The following LINGO2 variants were observed in gnomAD, a reference collection of about 807,000 sequenced individuals.
LINGO2 encodes the protein leucine rich repeat and Ig domain containing 2, also known as leucine-rich repeat and immunoglobulin-like domain-containing nogo receptor-interacting protein 2.
LINGO2 carries 14 observed loss-of-function variants against 30.6 expected under a neutral mutation model. The observed-to-expected ratio is 0.46, with a 90% CI of 0.30 to 0.72. The LOEUF (loss-of-function observed/expected upper bound fraction) is 0.72. LINGO2 is among the 30% of genes least tolerant of loss of function. The pLI is 0.07. For missense variants in LINGO2, 729 were observed against 751.7 expected, an observed-to-expected ratio of 0.97 and a Z score of 0.35; for synonymous variants, 317 against 288.5, an observed-to-expected ratio of 1.10 and a Z score of -1.00.
At chr9:29,172,821 T>C in the LINGO2 span, among the ~76,000 whole-genome samples, 3 of 152,004 alleles carry the variant, frequency 2.0e-5, no homozygotes, top group African/African-American at 7.2e-5. Flanking sequence ...CTTATTTACA[T>C]GGCAATTAAA....
intron 1 of LINGO2, among the ~76,000 whole-genome samples, chr9:28,635,806 G>T (rs1827234638): frequency 6.6e-6 from 1 of 152,008 alleles, no homozygotes; most frequent in African/African-American, 2.4e-5. Flanking sequence ...AAAGAGTTCA[G>T]AGGTTTTTTG....
the LINGO2 span, among the ~76,000 whole-genome samples, chr9:29,120,622 T>G: frequency 6.6e-6 from 1 of 152,210 alleles, no homozygotes; most frequent in Non-Finnish European, 1.5e-5. Context: ...ATAATCCTCC[T>G]ACGTGCTATG....
intron 2 of LINGO2, among the ~76,000 whole-genome samples, chr9:28,415,993 C>G (rs185247107): frequency 5.9e-4 from 90 of 152,178 alleles, no homozygotes; most frequent in Middle Eastern, 3.4e-3. Flanking sequence ...CCTTATTAAA[C>G]CAAAGACTTG....
intron 4 of LINGO2, among the ~76,000 whole-genome samples, chr9:28,181,881 T>C (rs184674857): frequency 5.3e-5 from 8 of 152,172 alleles, no homozygotes; most frequent in African/African-American, 1.7e-4. Flanking sequence ...AAAATGGCCA[T>C]ACCACCCAAA....
chr9:28,788,874 C>G, the LINGO2 span, among the ~76,000 whole-genome samples: 3 of 152,102 alleles, frequency 2.0e-5, no homozygotes, highest in Non-Finnish European at 4.4e-5. Context: ...GGTGAGGACA[C>G]AAAGCCTAAG....
chr9:28,392,278 G>A (rs917609846), intron 2 of LINGO2, among the ~76,000 whole-genome samples: 1 of 152,068 alleles, frequency 6.6e-6, no homozygotes, highest in Non-Finnish European at 1.5e-5. Context: ...TATTAATTAG[G>A]ATCTAATTGA....
At chr9:28,237,988 A>G (rs1335463720) in intron 4 of LINGO2, among the ~76,000 whole-genome samples, 2 of 152,238 alleles carry the variant, frequency 1.3e-5, no homozygotes, top group Non-Finnish European at 2.9e-5. Context: ...CTATACTTAT[A>G]TCAGACAAAA....
At chr9:29,108,964 A>G in the LINGO2 span, among the ~76,000 whole-genome samples, 15 of 152,346 alleles carry the variant, frequency 9.8e-5, no homozygotes, top group African/African-American at 3.6e-4. Flanking sequence ...TCCTTGACTT[A>G]GATGAAATTT....
chr9:28,516,736 T>C lies in LINGO2; in HGVS notation c.-364-40711A>G, dbSNP rs374680015. Among the ~76,000 whole-genome samples the C allele has an allele frequency of 6.6e-5, 10 of 152,340 alleles. No individual in the cohort carries two copies. The East Asian group carries it at 9.6e-4, about 15-fold the overall frequency. ...GACACTGTTGCTGTTGTTGTTAATG[T>C]TACTGAAGAACACTCTATCCTAAGA... On this transcript the variant is annotated intron_variant, in intron 1 of 5. Transcript: ENST00000379992.
chr9:29,019,350 C>G, the LINGO2 span, among the ~76,000 whole-genome samples: 1 of 152,140 alleles, frequency 6.6e-6, no homozygotes, highest in Non-Finnish European at 1.5e-5. Context: ...GTTATATCAG[C>G]AAACACTCTT....
chr9:28,165,862 T>C (rs1276941421), intron 4 of LINGO2, among the ~76,000 whole-genome samples: 1 of 152,126 alleles, frequency 6.6e-6, no homozygotes, highest in Admixed American at 6.5e-5. Context: ...AATAAGAATA[T>C]TTTGCTTCAG....
At chr9:28,444,531 G>A (rs1824337495) in intron 2 of LINGO2, among the ~76,000 whole-genome samples, 1 of 152,244 alleles carries the variant, frequency 6.6e-6, no homozygotes, top group African/African-American at 2.4e-5. Context: ...AAGAGCTACA[G>A]TCCTTCTTGG....
At chr9:29,211,338 C>T in the LINGO2 span, among the ~76,000 whole-genome samples, 11 of 152,152 alleles carry the variant, frequency 7.2e-5, no homozygotes, top group Admixed American at 7.2e-4. Flanking sequence ...ATATTCAGTG[C>T]CCACTGAGCC....
chr9:28,993,848 G>C, the LINGO2 span, among the ~76,000 whole-genome samples: 1 of 152,054 alleles, frequency 6.6e-6, no homozygotes, highest in East Asian at 1.9e-4. Context: ...CAATAAATTA[G>C]GTACTGATGG....
At chr9:28,029,342 G>T (rs146710466) in intron 4 of LINGO2, among the ~76,000 whole-genome samples, 2 of 152,090 alleles carry the variant, frequency 1.3e-5, no homozygotes, top group Admixed American at 6.6e-5. Flanking sequence ...GTTCTGCTGC[G>T]TTTGATCTGT....
At chr9:27,982,326 A>G (rs79566467) in intron 5 of LINGO2, among the ~76,000 whole-genome samples, 4,042 of 151,918 alleles carry the variant, frequency 0.027, 81 homozygotes, top group Non-Finnish European at 0.037. Flanking sequence ...TCTTTTGTAT[A>G]AAGGAAATGA....
At chr9:28,947,847 C>T in the LINGO2 span, among the ~76,000 whole-genome samples, 3 of 151,918 alleles carry the variant, frequency 2.0e-5, no homozygotes, top group Admixed American at 6.6e-5. Context: ...AACATGGATG[C>T]TCCAACTTCA....
chr9:28,705,366 G>A, the LINGO2 span, among the ~76,000 whole-genome samples: 1 of 152,216 alleles, frequency 6.6e-6, no homozygotes, highest in African/African-American at 2.4e-5. Flanking sequence ...CTTTTAGTGA[G>A]TTTGTGCCCC....
At chr9:29,091,311 C>A in the LINGO2 span, among the ~76,000 whole-genome samples, 1 of 151,912 alleles carries the variant, frequency 6.6e-6, no homozygotes, top group Non-Finnish European at 1.5e-5. Context: ...CACTGAATCT[C>A]CCCATGTTTA....
Sources: gnomAD v4.1 joint callset for allele counts (sites outside exome capture counted in the v4.1 genomes callset) on GRCh38, gnomAD v4.1.1 for gene constraint, MANE v1.5 for transcripts, NCBI Gene and HGNC (gene_info 2026-07-23, HGNC 2026-07-21) for gene names.